Variants in DOCK2 observed in about 807,000 individuals in gnomAD.
DOCK2 encodes dedicator of cytokinesis protein 2.
Under a neutral mutation model 248.9 loss-of-function variants are expected in DOCK2, and 87 were observed. The observed-to-expected ratio is 0.35, with a 90% CI of 0.29 to 0.42. DOCK2 has a LOEUF of 0.42. Ranked by LOEUF, DOCK2 falls within the 10% of genes least tolerant of loss-of-function variation. The probability of loss-of-function intolerance (pLI) is 1.00; values close to 1 mark genes in which losing one functional copy is unlikely to be tolerated. For missense variants in DOCK2, 1,747 were observed against 2,300.2 expected (o/e 0.76, Z 4.92); for synonymous variants, 805 against 821.6 (o/e 0.98, Z 0.35).
At chr5:169,718,840 G>T (rs773288470) in intron 22 of DOCK2, 49 bp downstream of exon 22, 3 of 1,565,802 alleles carry the variant, frequency 1.9e-6, no homozygotes, top group Non-Finnish European at 2.6e-6. Context: ...CAATTCCTCT[G>T]GGATACAACA....
chr5:169,819,954 C>T (rs554631149), intron 26 of DOCK2, among the ~76,000 whole-genome samples: 35 of 152,320 alleles, frequency 2.3e-4, no homozygotes, highest in African/African-American at 6.0e-4. Flanking sequence ...TCTTAGCAAA[C>T]GGCACACCAG....
At chr5:169,833,217 C>T (rs1769341441) in intron 26 of DOCK2, among the ~76,000 whole-genome samples, 1 of 152,114 alleles carries the variant, frequency 6.6e-6, no homozygotes, top group Non-Finnish European at 1.5e-5. Context: ...AAAAGTGTAT[C>T]ACTATCAGGT....
chr5:169,818,683 C>T (rs147181708), intron 26 of DOCK2, among the ~76,000 whole-genome samples: 39 of 152,260 alleles, frequency 2.6e-4, no homozygotes, highest in Non-Finnish European at 4.9e-4. Context: ...GATGCCAGGG[C>T]CTTTCCGCAG....
chr5:169,973,398 T>C (rs1053013480), intron 27 of DOCK2, among the ~76,000 whole-genome samples: 3 of 152,186 alleles, frequency 2.0e-5, no homozygotes, highest in African/African-American at 4.8e-5. Flanking sequence ...AGGCTGAGCA[T>C]TGCAAGAAGT....
rs910870367 is a variant in DOCK2 at position 170,050,407 on chromosome 5, G to C, written c.4213+10G>C. On this transcript the variant is annotated intron_variant, in intron 41 of 51. Transcript: ENST00000520908. ...AATGCCCCAGGCCAGTGTATCCTTG[G>C]AGAATGCCCTAGCCAAGGGGCCAGA... The C allele has an allele frequency of 1.2e-6, 2 of 1,613,190 alleles. No individual in the cohort carries two copies. The highest frequency in any genetic ancestry group is 1.7e-6 in the Non-Finnish European group (2 of 1,179,442).
intron 1 of DOCK2, among the ~76,000 whole-genome samples, chr5:169,639,377 C>T (rs1009450585): frequency 3.9e-5 from 6 of 152,278 alleles, no homozygotes; most frequent in Admixed American, 3.3e-4. Context: ...GAGAAACTAA[C>T]AGTATCAGTT....
chr5:169,676,317 C>T (rs1052411356), intron 6 of DOCK2, among the ~76,000 whole-genome samples: 2 of 152,158 alleles, frequency 1.3e-5, no homozygotes, highest in Non-Finnish European at 2.9e-5. Flanking sequence ...ACAAGGTCTG[C>T]ACATAGTAGG....
At chr5:170,032,549 T>TA (rs917004106) in intron 34 of DOCK2, among the ~76,000 whole-genome samples, 5 of 152,116 alleles carry the variant, frequency 3.3e-5, no homozygotes, top group Admixed American at 3.3e-4. Context: ...TGGAAAGCTT[T>TA]AAAAAATCAC....
chr5:169,700,074 C>G lies in DOCK2; in HGVS notation c.1193C>G (p.Pro398Arg). 6.2e-7 allele frequency: 1 copy of G among 1,614,054 alleles called. No individual in the cohort carries two copies. Among genetic ancestry groups the G allele is most frequent in the Non-Finnish European group, 8.5e-7 (1 of 1,179,926 alleles). ...ATCATTCAGATTCGCAAGGACTATC[C>G]ACACCTGGTGGACAGGACCACCGTG... ...GDIIQIRKDY[P>R]HLVDRTTVVA... The change falls in exon 13 of 52, where the codon CCA becomes CGA. Residue 398 changes from proline to arginine, a missense_variant. Transcript: ENST00000520908.
At chr5:170,080,085 C>A in intron 49 of DOCK2, 78 bp from the exon 50 acceptor site, 2 of 1,588,506 alleles carry the variant, frequency 1.3e-6, no homozygotes, top group Non-Finnish European at 1.7e-6. Flanking sequence ...CCTCACTGAT[C>A]TTTCAGAGAC....
Position 170,034,378 on chromosome 5 carries a change from GC to G in DOCK2, c.3468-18del. On this transcript the variant is annotated intron_variant, in intron 34 of 51. Transcript: ENST00000520908. Reference sequence around the variant, plus strand: ...CTTTCTCCCCAGCCATGAGCTCACTGCCCTCTGGTCTCTGCCGCAGCCTGAT... The same window carrying G: ...CTTTCTCCCCAGCCATGAGCTCACTGCCTCTGGTCTCTGCCGCAGCCTGAT... The G allele has an allele frequency of 6.2e-7, 1 of 1,613,334 alleles. No homozygotes were observed. Among genetic ancestry groups the G allele is most frequent in the Non-Finnish European group, 8.5e-7 (1 of 1,179,772 alleles).
intron 32 of DOCK2, among the ~76,000 whole-genome samples, chr5:170,015,401 G>C (rs1051375842): frequency 3.3e-5 from 5 of 152,128 alleles, no homozygotes; most frequent in African/African-American, 1.2e-4. Context: ...AGACTCTACG[G>C]GGCCTGGAAG....
At chr5:169,724,371 G>A (rs262882) in intron 22 of DOCK2, among the ~76,000 whole-genome samples, 20,148 of 152,188 alleles carry the variant, frequency 0.13, 1,955 homozygotes, top group African/African-American at 0.27. Context: ...ATGTGACTTT[G>A]TCTTCATCCC....
At chr5:170,013,916 C>T (rs987505225) in intron 32 of DOCK2, among the ~76,000 whole-genome samples, 3 of 152,088 alleles carry the variant, frequency 2.0e-5, no homozygotes, top group Non-Finnish European at 4.4e-5. Context: ...TAGTTACCTA[C>T]TAACTGCAGC....
intron 23 of DOCK2, among the ~76,000 whole-genome samples, chr5:169,752,130 A>G (rs1185441372): frequency 1.3e-5 from 2 of 152,204 alleles, no homozygotes; most frequent in African/African-American, 4.8e-5. Context: ...CAGAGGGTCA[A>G]CACCACACAC....
chr5:169,790,817 C>T (rs1005064364), intron 25 of DOCK2, among the ~76,000 whole-genome samples: 2 of 152,222 alleles, frequency 1.3e-5, no homozygotes, highest in African/African-American at 4.8e-5. Flanking sequence ...TGAAATGGCT[C>T]ATCCAAGGTT....
chr5:170,027,937 C>T lies in DOCK2; in HGVS notation c.3456C>T (p.Leu1152=), dbSNP rs9791113. ...GAGGCGACGAGCAGTACATGCAGCTCCTGGAGTCAATGTAAGTTCAGTGCC... is the reference window on the plus strand; with the variant it reads ...GAGGCGACGAGCAGTACATGCAGCTTCTGGAGTCAATGTAAGTTCAGTGCC... ...GGRGDEQYMQ[L]LESILMECAA... The change falls in exon 34 of 52, where the codon CTC becomes CTT. Residue 1152 remains leucine, a synonymous_variant. Coordinates refer to ENST00000520908, the MANE Select transcript of DOCK2 (RefSeq NM_004946.3). The T allele has an allele frequency of 6.2e-7, 1 of 1,611,724 alleles. No individual in the cohort carries two copies. Among genetic ancestry groups the T allele is most frequent in the Non-Finnish European group, 8.5e-7 (1 of 1,178,714 alleles).
chr5:170,061,846 G>A (rs1461371148), intron 44 of DOCK2, among the ~76,000 whole-genome samples: 4 of 152,116 alleles, frequency 2.6e-5, no homozygotes, highest in Admixed American at 1.3e-4. Flanking sequence ...TCTGAGCGGT[G>A]GTGATAGATT....
intron 21 of DOCK2, among the ~76,000 whole-genome samples, chr5:169,717,737 C>T (rs1403933846): frequency 6.6e-6 from 1 of 152,126 alleles, no homozygotes; most frequent in East Asian, 1.9e-4. Context: ...CTAGCGTGCT[C>T]TCATTTCTTG....
Sources: gnomAD v4.1 joint callset for allele counts (sites outside exome capture counted in the v4.1 genomes callset) on GRCh38, gnomAD v4.1.1 for gene constraint, MANE v1.5 for transcripts, NCBI Gene and HGNC (gene_info 2026-07-23, HGNC 2026-07-21) for gene names.